STOML1: variants seen among roughly 807,000 people sequenced by gnomAD.
STOML1 encodes stomatin like 1.
Under a neutral mutation model 35.7 loss-of-function variants are expected in STOML1, and 27 were observed. The observed-to-expected ratio is 0.76, with a 90% CI of 0.56 to 1.04. STOML1 has a LOEUF of 1.04. Among genes scored for constraint, STOML1 ranks in the 50% least tolerant of loss-of-function variants. STOML1 has a pLI of 0.00. For missense variants in STOML1, 451 were observed against 527.1 expected (o/e 0.86, Z 1.41); for synonymous variants, 219 against 227.9 (o/e 0.96, Z 0.35).
chr15:73,992,422 A>C, upstream of STOML1: 1 of 491,224 alleles, frequency 2.0e-6, no homozygotes, highest in Non-Finnish European at 3.2e-6. Flanking sequence ...GGAGGACCGA[A>C]CTGCAGCCCA....
Position 73,985,400 on chromosome 15 carries a change from G to T in STOML1, c.708C>A (p.Asp236Glu). 6.4e-7 allele frequency: 1 copy of T among 1,565,364 alleles called. No individual in the cohort carries two copies. Among genetic ancestry groups the T allele is most frequent in the Non-Finnish European group, 8.6e-7 (1 of 1,163,104 alleles). The change falls in exon 5 of 7, where the codon GAC (aspartate) becomes GAA (glutamate). Residue 236 changes from aspartate to glutamate, a missense_variant. Transcript: ENST00000541638. ...PQDSPAGPNLDSTLQQLALHF... is the reference protein window; with the variant it reads ...PQDSPAGPNLESTLQQLALHF... The stretch of plus-strand genomic sequence containing the variant: ...GCAGGGCCAGCTGCTGGAGGGTGCT[G>T]TCCAGGTTGGGCCCAGCTGGGCTGT...
At position 73,985,310 on chromosome 15, in the gene STOML1, C is replaced by A; in HGVS notation, c.790+8G>T. On this transcript the variant is annotated splice_region_variant and intron_variant, in intron 5 of 6. Coordinates refer to ENST00000541638, the MANE Select transcript of STOML1 (RefSeq NM_004809.5). The stretch of plus-strand genomic sequence containing the variant: ...AACACCCCCGCTCTCCTCCCCAGGG[C>A]TCCTCACCTGGCCCCGGGGACGGGG... 6.6e-7 allele frequency: 1 copy of A among 1,524,158 alleles called. No individual in the cohort carries two copies. The highest frequency in any genetic ancestry group is 8.8e-7 in the Non-Finnish European group (1 of 1,142,836). 94.4% of individuals were successfully genotyped at this position (1,524,158 alleles called of 1,614,324 possible). A position where few individuals can be genotyped will look rare whatever the true frequency, so the allele number is the denominator to read the frequency against.
rs1050462278 is a variant in STOML1, at chr15:73,981,750, C to T, written c.*2187G>A. 1 of 152,344 alleles carries T rather than the reference C, an allele frequency of 6.6e-6. No homozygotes were observed. The highest frequency in any genetic ancestry group is 2.1e-4 in the South Asian group (1 of 4,834). The allele number at this position is 152,344 out of a possible 1,614,324, so 9.4% of individuals were successfully genotyped here. On this transcript the variant is annotated 3_prime_UTR_variant, in exon 7 of 7. Transcript: ENST00000541638. Reference sequence around the variant, plus strand: ...AAAGCCTTCTCTGATTGACACACACCCTCCTCCTCCCTCTTCACACCGACC... The same window carrying T: ...AAAGCCTTCTCTGATTGACACACACTCTCCTCCTCCCTCTTCACACCGACC...
chr15:73,984,866 T>C lies in STOML1; in HGVS notation c.796A>G (p.Thr266Ala). The C allele has an allele frequency of 1.2e-6, 2 of 1,613,858 alleles. No homozygotes were observed. Among genetic ancestry groups the C allele is most frequent in the Non-Finnish European group, 1.7e-6 (2 of 1,180,010 alleles). ...GGAPSPGPAD[T>A]VEMVSEVEPP... is the part of the protein sequence containing the mutation. Reference sequence around the variant, plus strand: ...TCAACTTCACTCACCATCTCCACGGTGTCTGCTGGGGGTGGCCAACAGGGT... The same window carrying C: ...TCAACTTCACTCACCATCTCCACGGCGTCTGCTGGGGGTGGCCAACAGGGT... Residue 266 changes from threonine (T) to alanine (A), a missense_variant, in exon 6 of 7, where the codon ACC becomes GCC. By Grantham distance (58) the Thr-to-Ala change is moderately conservative (BLOSUM62 0). Transcript: ENST00000541638.
At chr15:73,992,059 C>G in intron 1 of STOML1, 32 bp downstream of exon 1, 1 of 1,541,350 alleles carries the variant, frequency 6.5e-7, no homozygotes, top group South Asian at 1.2e-5. Context: ...GGCCGGTCCC[C>G]CCCGGCTCCG....
chr15:73,992,460 C>G (rs28575231), upstream of STOML1: 3,422 of 379,452 alleles, frequency 9.0e-3, 108 homozygotes, highest in African/African-American at 0.065. Flanking sequence ...CGGCGTTCCT[C>G]GGACCCCGCT....
intron 2 of STOML1, chr15:73,989,879 G>C (rs2069212239): frequency 6.2e-6 from 1 of 161,792 alleles, no homozygotes; most frequent in Non-Finnish European, 1.4e-5. Flanking sequence ...AAAGGGCAAG[G>C]CCTCCTTGGG....
At chr15:73,992,727 T>G (rs2069323971), upstream of STOML1, among the ~76,000 whole-genome samples, 1 of 152,170 alleles carries the variant, frequency 6.6e-6, no homozygotes, top group Non-Finnish European at 1.5e-5. Context: ...GAGGATCTCT[T>G]GAGTCCAGGA....
At chr15:73,989,982 G>GC (rs111729612) in intron 2 of STOML1, 1 of 206,768 alleles carries the variant, frequency 4.8e-6, no homozygotes, top group African/African-American at 2.3e-5. Context: ...GGAAAATGAG[G>GC]CCTGAATTCC....
At chr15:73,990,507 A>G (rs373014079) in intron 1 of STOML1, 50 bp from the exon 2 acceptor site, 22 of 1,540,778 alleles carry the variant, frequency 1.4e-5, no homozygotes, top group African/African-American at 1.4e-4. Context: ...ACAGCTGCCA[A>G]GCGGAGTGAA....
intron 1 of STOML1, chr15:73,990,670 C>T (rs1435101651): frequency 2.5e-5 from 24 of 967,614 alleles, no homozygotes; most frequent in Non-Finnish European, 3.7e-5. Context: ...ACTCATTTGT[C>T]CCAAGTCCAA....
intron 1 of STOML1, chr15:73,990,747 A>ATGATGCTC: frequency 1.4e-6 from 2 of 1,457,260 alleles, no homozygotes; most frequent in South Asian, 2.4e-5. Flanking sequence ...AGTCCGCGTG[A>ATGATGCTC]TGATGCTCTC....
In STOML1 at chr15:73,985,424, G is replaced by A; in HGVS notation, c.684C>T (p.Asp228=). The A allele has an allele frequency of 6.4e-7, 1 of 1,560,746 alleles. No individual in the cohort carries two copies. Among genetic ancestry groups the A allele is most frequent in the Non-Finnish European group, 8.6e-7 (1 of 1,160,250 alleles). ...AVEAVLQPPQ[D]SPAGPNLDST... ...TGTCCAGGTTGGGCCCAGCTGGGCT[G>A]TCCTGGGGCGGCTGGAGCACGGCCT... Residue 228 remains aspartate, a synonymous_variant, in exon 5 of 7, where the codon GAC becomes GAT. Coordinates refer to ENST00000541638, the MANE Select transcript of STOML1 (RefSeq NM_004809.5).
chr15:73,989,015 C>T, intron 3 of STOML1, 93 bp downstream of exon 3: 1 of 1,509,746 alleles, frequency 6.6e-7, no homozygotes, highest in Non-Finnish European at 8.9e-7. Context: ...CTTCCCCCCT[C>T]AGATGGTGAC....
intron 1 of STOML1, 170 bp downstream of exon 1, chr15:73,991,921 G>T: frequency 9.2e-7 from 1 of 1,089,414 alleles, no homozygotes; most frequent in Non-Finnish European, 1.3e-6. Flanking sequence ...GCGGATCGGC[G>T]CTAGCACCAG....
Position 73,988,787 on chromosome 15 carries a change from CG to C in STOML1, c.405del (p.Asp135GlufsTer22). On this transcript the variant is annotated frameshift_variant, in exon 4 of 7. Transcript: ENST00000541638. LOFTEE classifies it high-confidence loss of function. The surrounding 1 kb of genome is among the most constrained non-coding windows in gnomAD (Gnocchi z 4.8). ...TCGGCTCCCACGGACAGCACAGCCC[CG>C]TCCTTAGAGGCCAGCTGTTGGGGGA... ...NVPPCKLASK[D>X]GAVLSVGADV... is the part of the protein sequence containing the mutation. The C allele has an allele frequency of 6.2e-7, 1 of 1,612,424 alleles. No homozygotes were observed. Among genetic ancestry groups the C allele is most frequent in the Non-Finnish European group, 8.5e-7 (1 of 1,178,582 alleles).
intron 1 of STOML1, chr15:73,991,825 G>C: frequency 5.0e-6 from 3 of 605,236 alleles, no homozygotes; most frequent in Non-Finnish European, 5.9e-6. Flanking sequence ...GATAAGAGCC[G>C]AGGACAAATG....
chr15:73,989,177 G>A lies in STOML1; in HGVS notation c.321C>T (p.Leu107=), dbSNP rs1481713186. ...RTPQGPGMVL[L]LPFIDSFQRV... is the part of the protein sequence containing the mutation. ...TCTGAAAGGAGTCAATGAAGGGCAA[G>A]AGCAGAACCATGCCAGGTCCCTGGG... The change falls in exon 3 of 7, where the codon CTC becomes CTT. Residue 107 remains leucine (L), a synonymous_variant. Transcript: ENST00000541638. The A allele has an allele frequency of 6.2e-7, 1 of 1,613,106 alleles. No homozygotes were observed. Among genetic ancestry groups the A allele is most frequent in the South Asian group, 1.1e-5 (1 of 90,928 alleles).
At chr15:73,990,894 T>G (rs2069253551) in intron 1 of STOML1, 6 of 1,534,746 alleles carry the variant, frequency 3.9e-6, no homozygotes, top group Non-Finnish European at 5.2e-6. Flanking sequence ...TCCTATACCA[T>G]CAGCCCCAGA....
Sources: allele counts gnomAD v4.1 joint callset (sites outside exome capture counted in the v4.1 genomes callset), GRCh38; gene constraint gnomAD v4.1.1; non-coding constraint Gnocchi (gnomAD v3.1); transcripts MANE v1.5; gene names NCBI Gene and HGNC (gene_info 2026-07-23, HGNC 2026-07-21).